Variants in HPCAL1 observed in about 807,000 individuals in gnomAD.
HPCAL1 encodes the protein hippocalcin-like protein 1.
A neutral mutation model predicts 17.1 loss-of-function variants in HPCAL1; 8 were observed. That is an observed-to-expected ratio of 0.47 (90% confidence interval 0.27 to 0.84). HPCAL1 has a LOEUF of 0.84. Among genes scored for constraint, HPCAL1 ranks in the 40% least tolerant of loss-of-function variants. HPCAL1 has a pLI of 0.13. For missense variants in HPCAL1, 165 were observed against 271.1 expected (o/e 0.61, Z 2.75); for synonymous variants, 112 against 111.4 (o/e 1.01, Z -0.03).
rs150072023 is a variant in HPCAL1 at position 10,398,084 on chromosome 2, A to G, written c.-25+1164A>G. ...CATGACTATTATGGTGACTCTTGTC[A>G]CTCACCACCCTGCCCCACCTGCTCC... On this transcript the variant is annotated intron_variant, in intron 2 of 4. Coordinates refer to ENST00000307845, the MANE Select transcript of HPCAL1 (RefSeq NM_002149.4). Among the ~76,000 whole-genome samples, 11 of 151,654 alleles carry G rather than the reference A, an allele frequency of 7.3e-5. No homozygotes were observed. The East Asian group carries it at 2.1e-3, about 30-fold the overall frequency.
chr2:10,388,343 G>C lies in HPCAL1; in HGVS notation c.-110-8492G>C, dbSNP rs541797040. Among the ~76,000 whole-genome samples the C allele has an allele frequency of 3.3e-5, 5 of 152,372 alleles. No homozygotes were observed. The East Asian group carries it at 9.6e-4, about 29-fold the overall frequency. Reference sequence around the variant, plus strand: ...CAGATGCTGCCTGAGAAGGTCAGTGGCATCTGGGAGCCATGGTGAGGGTGG... The same window carrying C: ...CAGATGCTGCCTGAGAAGGTCAGTGCCATCTGGGAGCCATGGTGAGGGTGG... On this transcript the variant is annotated intron_variant, in intron 1 of 4. Transcript: ENST00000307845.
chr2:10,395,308 T>C lies in HPCAL1; in HGVS notation c.-110-1527T>C, dbSNP rs1250496187. Among the ~76,000 whole-genome samples the C allele has an allele frequency of 1.3e-5, 2 of 152,198 alleles. No individual in the cohort carries two copies. The highest frequency in any genetic ancestry group is 1.9e-4 in the East Asian group (1 of 5,198). ...TTGGGAAACAGTAGAAATTTAACTC[T>C]GAGCAAGATACACCCTATTTCCAAT... On this transcript the variant is annotated intron_variant, in intron 1 of 4. Transcript: ENST00000307845. The surrounding 1 kb of genome is among the most constrained non-coding windows in gnomAD (Gnocchi z 4.4).
intron 3 of HPCAL1, 73 bp downstream of exon 3, chr2:10,420,208 G>GGTTT: frequency 5.2e-5 from 38 of 733,986 alleles, no homozygotes; most frequent in African/African-American, 1.4e-4. Flanking sequence ...CCAGCCCAGG[G>GGTTT]CTTTTTTTTT....
chr2:10,372,835 C>T (rs1029702369), intron 1 of HPCAL1, among the ~76,000 whole-genome samples: 3 of 152,242 alleles, frequency 2.0e-5, no homozygotes, highest in Non-Finnish European at 4.4e-5. Context: ...AACTCCCTGA[C>T]CCCAAAACTG....
chr2:10,344,580 C>T lies in HPCAL1; in HGVS notation c.-111+41403C>T, dbSNP rs986279531. ...TGAAGAAAAGCTATCGGGGCATCTG[C>T]AGCCACTATTATACCATCTGGCAGC... On this transcript the variant is annotated intron_variant, in intron 1 of 4. Transcript: ENST00000307845. This position sits in a 1 kb window ranked among gnomAD's most constrained non-coding sequence, Gnocchi z 4.9. 1.3e-4 allele frequency among the ~76,000 whole-genome samples: 20 copies of T among 152,208 alleles called. No homozygotes were observed. Among genetic ancestry groups the T allele is most frequent in the Admixed American group, 5.2e-4 (8 of 15,286 alleles).
At position 10,420,087 on chromosome 2, in the gene HPCAL1, G is replaced by A. The variant is rs777694878; in HGVS notation, c.330G>A (p.Leu110=). The A allele has an allele frequency of 6.2e-7, 1 of 1,613,590 alleles. No homozygotes were observed. Residue 110 remains leucine (L), a synonymous_variant, in exon 3 of 5, where the codon CTG becomes CTA. Transcript: ENST00000307845. ...AGTGGGCCTTCAGCATGTACGACCT[G>A]GACGGCAACGGCTACATCAGCCGCA... The part of the protein sequence containing the change: ...KLKWAFSMYD[L]DGNGYISRSE...
intron 4 of HPCAL1, chr2:10,424,344 A>G (rs1307598908): frequency 2.7e-6 from 1 of 373,270 alleles, no homozygotes; most frequent in Non-Finnish European, 5.5e-6. Context: ...CTGATGGGAA[A>G]TGTGTGTTCC....
At chr2:10,422,960 A>G in intron 3 of HPCAL1, 23 bp from the exon 4 acceptor site, 2 of 1,560,378 alleles carry the variant, frequency 1.3e-6, no homozygotes, top group South Asian at 2.2e-5. Context: ...CTCTGAGCAC[A>G]GTGTCATTGC....
At chr2:10,376,074 A>G (rs1471209377) in intron 1 of HPCAL1, among the ~76,000 whole-genome samples, 1 of 151,978 alleles carries the variant, frequency 6.6e-6, no homozygotes, top group Non-Finnish European at 1.5e-5. Context: ...TCACCTCCCT[A>G]TTCTTTTGTT....
At chr2:10,399,325 TCAC>T (rs1669333271) in intron 2 of HPCAL1, among the ~76,000 whole-genome samples, 7 of 9,890 alleles carry the variant, frequency 7.1e-4, no homozygotes, top group Non-Finnish European at 1.0e-3. Context: ...ACCACCACCA[TCAC>T]CACCACCACC....
chr2:10,416,821 C>T (rs544015987), intron 2 of HPCAL1, among the ~76,000 whole-genome samples: 1 of 151,982 alleles, frequency 6.6e-6, no homozygotes, highest in African/African-American at 2.4e-5. Flanking sequence ...TTAGAGCATG[C>T]TGGCAGGCGT....
chr2:10,419,234 A>G lies in HPCAL1; in HGVS notation c.-24-500A>G, dbSNP rs1166107505. ...CTCAAAAGAAACAAACAAATAAACAAATAAAGAAGGTGGGTGGGGGTGACT... is the reference window on the plus strand; with the variant it reads ...CTCAAAAGAAACAAACAAATAAACAGATAAAGAAGGTGGGTGGGGGTGACT... On this transcript the variant is annotated intron_variant, in intron 2 of 4. Transcript: ENST00000307845. This position sits in a 1 kb window ranked among gnomAD's most constrained non-coding sequence, Gnocchi z 5.0. Among the ~76,000 whole-genome samples the G allele has an allele frequency of 9.8e-6, 1 of 101,588 alleles. No homozygotes were observed. Among genetic ancestry groups the G allele is most frequent in the East Asian group, 2.3e-4 (1 of 4,338 alleles). 66.6% of individuals were successfully genotyped at this position (101,588 alleles called of 152,430 possible). A position where few individuals can be genotyped will look rare whatever the true frequency, so the allele number is the denominator to read the frequency against.
chr2:10,398,568 G>A (rs923355501), intron 2 of HPCAL1, among the ~76,000 whole-genome samples: 2 of 152,184 alleles, frequency 1.3e-5, no homozygotes, highest in Non-Finnish European at 1.5e-5. Context: ...TCCCGCAGCC[G>A]GTCAGCCCAG....
intron 1 of HPCAL1, among the ~76,000 whole-genome samples, chr2:10,325,393 C>T (rs1336414844): frequency 1.3e-5 from 2 of 152,240 alleles, no homozygotes; most frequent in Non-Finnish European, 2.9e-5. Context: ...ATTTTACAGA[C>T]GAGAACACCG....
rs1434939350 is a variant in HPCAL1 at position 10,304,826 on chromosome 2, A to G, written c.-111+1649A>G. 1.3e-5 allele frequency among the ~76,000 whole-genome samples: 2 copies of G among 152,180 alleles called. No individual in the cohort carries two copies. Among genetic ancestry groups the G allele is most frequent in the Non-Finnish European group, 2.9e-5 (2 of 68,042 alleles). On this transcript the variant is annotated intron_variant, in intron 1 of 4. Coordinates refer to ENST00000307845, the MANE Select transcript of HPCAL1 (RefSeq NM_002149.4). This position sits in a 1 kb window ranked among gnomAD's most constrained non-coding sequence, Gnocchi z 4.1. Reference sequence around the variant, plus strand: ...TAACCAAGGGAGCCAAGATCTCACCAGTGCAGGAGGCTCTCAAAATGGAGC... The same window carrying G: ...TAACCAAGGGAGCCAAGATCTCACCGGTGCAGGAGGCTCTCAAAATGGAGC...
intron 2 of HPCAL1, among the ~76,000 whole-genome samples, chr2:10,414,833 G>A (rs1264573262): frequency 6.6e-6 from 1 of 152,196 alleles, no homozygotes; most frequent in East Asian, 1.9e-4. Flanking sequence ...AGCAGGTGCA[G>A]AACACAGCCT....
At position 10,362,032 on chromosome 2, in the gene HPCAL1, A is replaced by G. The variant is rs1315387957; in HGVS notation, c.-110-34803A>G. Among the ~76,000 whole-genome samples, 1 of 152,162 alleles carries G rather than the reference A, an allele frequency of 6.6e-6. No homozygotes were observed. Among genetic ancestry groups the G allele is most frequent in the African/African-American group, 2.4e-5 (1 of 41,418 alleles). On this transcript the variant is annotated intron_variant, in intron 1 of 4. Transcript: ENST00000307845. This position sits in a 1 kb window ranked among gnomAD's most constrained non-coding sequence, Gnocchi z 5.0. Reference sequence around the variant, plus strand: ...TGACATTAGCTAATTTAATTCTTACAATAATCTTATGAATTGGGATTCTCA... The same window carrying G: ...TGACATTAGCTAATTTAATTCTTACGATAATCTTATGAATTGGGATTCTCA...
chr2:10,337,816 C>T lies in HPCAL1; in HGVS notation c.-111+34639C>T, dbSNP rs867084886. 5.7e-4 allele frequency among the ~76,000 whole-genome samples: 86 copies of T among 152,156 alleles called. 1 individual carries two copies. Among genetic ancestry groups the T allele is most frequent in the Admixed American group, 3.9e-4 (6 of 15,266 alleles). The stretch of plus-strand genomic sequence containing the variant: ...AGTCCTCAGTGGCTGGTTTCTCAGT[C>T]CCCCAGGAGGTGCAGGCTGGTTCTT... On this transcript the variant is annotated intron_variant, in intron 1 of 4. Transcript: ENST00000307845.
intron 1 of HPCAL1, among the ~76,000 whole-genome samples, chr2:10,391,964 G>A (rs1424918684): frequency 6.6e-6 from 1 of 152,138 alleles, no homozygotes; most frequent in Admixed American, 6.5e-5. Flanking sequence ...TGTCCAGGCT[G>A]GTCTTGAACT....
Sources: gnomAD v4.1 joint callset for allele counts (sites outside exome capture counted in the v4.1 genomes callset) on GRCh38, gnomAD v4.1.1 for gene constraint, Gnocchi (gnomAD v3.1) non-coding constraint, MANE v1.5 for transcripts, NCBI Gene and HGNC (gene_info 2026-07-23, HGNC 2026-07-21) for gene names.